The following LRRC58 variants were observed in gnomAD, a reference collection of about 807,000 sequenced individuals.
LRRC58 encodes leucine rich repeat containing 58.
LRRC58 carries 18 observed loss-of-function variants against 30.6 expected under a neutral mutation model. The observed-to-expected ratio is 0.59, with a 90% confidence interval of 0.41 to 0.87. LRRC58 has a LOEUF of 0.87. Ranked by LOEUF, LRRC58 falls within the 40% of genes least tolerant of loss-of-function variation. LRRC58 has a pLI of 0.00. For synonymous variants in LRRC58, 221 were observed against 206.0 expected (o/e 1.07, Z -0.62); for missense variants, 420 against 468.4 (o/e 0.90, Z 0.95).
At chr3:120,344,715 A>C (rs1935945811) in intron 1 of LRRC58, among the ~76,000 whole-genome samples, 1 of 152,244 alleles carries the variant, frequency 6.6e-6, no homozygotes, top group Non-Finnish European at 1.5e-5. Context: ...CCAAATATCT[A>C]GCATACTGGA....
At chr3:120,348,613 T>A (rs1394106187) in intron 1 of LRRC58, 131 bp downstream of exon 1, 2 of 1,062,760 alleles carry the variant, frequency 1.9e-6, no homozygotes, top group Non-Finnish European at 2.6e-6. Context: ...TGGGCAGAAC[T>A]CACTACCGCA....
In LRRC58 at chr3:120,349,294, G is replaced by C; in HGVS notation, c.-51C>G. 2 of 1,343,948 alleles carry C rather than the reference G, an allele frequency of 1.5e-6. No homozygotes were observed. Among genetic ancestry groups the C allele is most frequent in the South Asian group, 1.9e-5 (1 of 53,782 alleles). 83.3% of individuals were successfully genotyped at this position (1,343,948 alleles called of 1,614,324 possible). Reference sequence around the variant, plus strand: ...CCGGATTCCCCAGAGCGCCGCGCGCGGTCCAGAGGCCGGGAGCTCTGCGGC... The same window carrying C: ...CCGGATTCCCCAGAGCGCCGCGCGCCGTCCAGAGGCCGGGAGCTCTGCGGC... On this transcript the variant is annotated 5_prime_UTR_variant, in exon 1 of 4. Coordinates refer to ENST00000295628, the MANE Select transcript of LRRC58 (RefSeq NM_001099678.2).
In LRRC58 at chr3:120,326,895, C is replaced by A. The variant is rs892156988; in HGVS notation, c.*4305G>T. The A allele has an allele frequency of 6.6e-6, 1 of 152,124 alleles. No individual in the cohort carries two copies. Among genetic ancestry groups the A allele is most frequent in the Non-Finnish European group, 1.5e-5 (1 of 68,010 alleles). The allele number at this position is 152,124 out of a possible 1,614,324, so 9.4% of individuals were successfully genotyped here. A position where few individuals can be genotyped will look rare whatever the true frequency, so the allele number is the denominator to read the frequency against. ...GACCAAATTTTATTTGCACTATTTG[C>A]TGTGTGTTTTTTCTTTTTTACATAG... On this transcript the variant is annotated 3_prime_UTR_variant, in exon 4 of 4. Coordinates refer to ENST00000295628, the MANE Select transcript of LRRC58 (RefSeq NM_001099678.2).
Position 120,335,148 on chromosome 3 carries a change from A to T in LRRC58, c.630-9T>A. 1 of 1,605,054 alleles carries T rather than the reference A, an allele frequency of 6.2e-7. No homozygotes were observed. Among genetic ancestry groups the T allele is most frequent in the East Asian group, 2.2e-5 (1 of 44,750 alleles). Reference sequence around the variant, plus strand: ...AACGAAGTGAATGTAACCTAGAATAAATGTAGTAGAAAAATCAATGGCAGT... The same window carrying T: ...AACGAAGTGAATGTAACCTAGAATATATGTAGTAGAAAAATCAATGGCAGT... On this transcript the variant is annotated splice_polypyrimidine_tract_variant and intron_variant, in intron 2 of 3. Coordinates refer to ENST00000295628, the MANE Select transcript of LRRC58 (RefSeq NM_001099678.2).
intron 3 of LRRC58, among the ~76,000 whole-genome samples, 155 bp downstream of exon 3, chr3:120,334,707 G>T (rs532891579): frequency 3.5e-4 from 53 of 152,006 alleles, no homozygotes; most frequent in Non-Finnish European, 2.5e-4. Flanking sequence ...TTATGAAAAA[G>T]AATTTTTTAA....
In LRRC58 at chr3:120,346,528, C is replaced by T. The variant is rs181770418; in HGVS notation, c.500+2216G>A. ...GAGTATTAAAAAGCATAGTTAGCAC[C>T]TATGACAGGATCTACTGCATTGTAA... On this transcript the variant is annotated intron_variant, in intron 1 of 3. Coordinates refer to ENST00000295628, the MANE Select transcript of LRRC58 (RefSeq NM_001099678.2). Among the ~76,000 whole-genome samples, 281 of 152,274 alleles carry T rather than the reference C, an allele frequency of 1.8e-3. 1 individual carries two copies. Among genetic ancestry groups the T allele is most frequent in the African/African-American group, 5.9e-3 (244 of 41,554 alleles).
At chr3:120,345,192 G>A (rs1935953534) in intron 1 of LRRC58, among the ~76,000 whole-genome samples, 1 of 152,140 alleles carries the variant, frequency 6.6e-6, no homozygotes, top group African/African-American at 2.4e-5. Context: ...TAAATCTGGA[G>A]AGGTCAATGA....
rs145861688 is a variant in LRRC58, at chr3:120,328,411, T to C, written c.*2789A>G. 2.0e-5 allele frequency: 3 copies of C among 152,350 alleles called. No homozygotes were observed. Among genetic ancestry groups the C allele is most frequent in the African/African-American group, 7.2e-5 (3 of 41,578 alleles). The allele number at this position is 152,350 out of a possible 1,614,324, so 9.4% of individuals were successfully genotyped here. On this transcript the variant is annotated 3_prime_UTR_variant, in exon 4 of 4. Transcript: ENST00000295628. ...CAAATACTAGCACTGAAGAATGCCA[T>C]TCTAAATATATTAATGTTATGCTTA...
chr3:120,324,897 T>C lies in LRRC58; in HGVS notation c.*6303A>G, dbSNP rs955746719. On this transcript the variant is annotated 3_prime_UTR_variant, in exon 4 of 4. Transcript: ENST00000295628. ...CTTATTTATCTATAGATGTAGATATTCCTAATTTGCAAGATTTCAAATACA... is the reference window on the plus strand; with the variant it reads ...CTTATTTATCTATAGATGTAGATATCCCTAATTTGCAAGATTTCAAATACA... The C allele has an allele frequency of 5.9e-5, 9 of 152,222 alleles. No individual in the cohort carries two copies. The highest frequency in any genetic ancestry group is 1.5e-5 in the Non-Finnish European group (1 of 68,024). The allele number at this position is 152,222 out of a possible 1,614,324, so 9.4% of individuals were successfully genotyped here. A position where few individuals can be genotyped will look rare whatever the true frequency, so the allele number is the denominator to read the frequency against.
Position 120,335,552 on chromosome 3 carries a change from A to G in LRRC58, c.629+273T>C, listed in dbSNP as rs146149711. Among the ~76,000 whole-genome samples the G allele has an allele frequency of 9.8e-3, 1,491 of 152,336 alleles. 17 individuals are homozygous for G. Among genetic ancestry groups the G allele is most frequent in the South Asian group, 0.037 (180 of 4,830 alleles). ...TTTCATATCAAATATAAAATCACTAAAAGTCTCATAAAACCTAGGGAAATG... is the reference window on the plus strand; with the variant it reads ...TTTCATATCAAATATAAAATCACTAGAAGTCTCATAAAACCTAGGGAAATG... On this transcript the variant is annotated intron_variant, in intron 2 of 3. Transcript: ENST00000295628.
intron 1 of LRRC58, among the ~76,000 whole-genome samples, chr3:120,340,003 G>C (rs1935884714): frequency 6.6e-6 from 1 of 152,000 alleles, no homozygotes; most frequent in Non-Finnish European, 1.5e-5. Context: ...TGGGATTACA[G>C]GCGCCCGCCA....
chr3:120,330,016 ATAGTTAAAG>A lies in LRRC58; in HGVS notation c.*1175_*1183del, dbSNP rs1443699702. ...ATACTTTATTTTCAAAAATGCTTCC[ATAGTTAAAG>A]TAGTTCTGGAAACTGTTCCATTAGG... On this transcript the variant is annotated 3_prime_UTR_variant, in exon 4 of 4. Coordinates refer to ENST00000295628, the MANE Select transcript of LRRC58 (RefSeq NM_001099678.2). The A allele has an allele frequency of 6.6e-6, 1 of 152,024 alleles. No homozygotes were observed. The highest frequency in any genetic ancestry group is 1.5e-5 in the Non-Finnish European group (1 of 67,908). 9.4% of individuals were successfully genotyped at this position (152,024 alleles called of 1,614,324 possible).
intron 3 of LRRC58, among the ~76,000 whole-genome samples, chr3:120,332,399 T>C (rs1309358545): frequency 6.6e-6 from 1 of 152,252 alleles, no homozygotes; most frequent in Non-Finnish European, 1.5e-5. Flanking sequence ...AGTTTTTTTT[T>C]GATCTTGTAG....
chr3:120,334,660 T>C (rs973262818), intron 3 of LRRC58, among the ~76,000 whole-genome samples: 3 of 152,216 alleles, frequency 2.0e-5, no homozygotes, highest in Admixed American at 1.3e-4. Context: ...AGGATGAGAC[T>C]TCCTGGGTAT....
chr3:120,349,210 C>G lies in LRRC58; in HGVS notation c.34G>C (p.Gly12Arg). The G allele has an allele frequency of 4.9e-6, 7 of 1,436,410 alleles. No homozygotes were observed. Among genetic ancestry groups the G allele is most frequent in the South Asian group, 1.4e-5 (1 of 71,980 alleles). The allele number at this position is 1,436,410 out of a possible 1,614,324, so 89.0% of individuals were successfully genotyped here. A position where few individuals can be genotyped will look rare whatever the true frequency, so the allele number is the denominator to read the frequency against. The change falls in exon 1 of 4, where the codon GGG (glycine) becomes CGG (arginine). Residue 12 changes from glycine to arginine, a missense_variant. By Grantham distance (125) the Gly-to-Arg change is moderately radical. Coordinates refer to ENST00000295628, the MANE Select transcript of LRRC58 (RefSeq NM_001099678.2). ...CGGGACCAGTTCAGTTCGGCCTCCC[C>G]GGCCGTGACCACCGCTGCTCCGGCC... ...EEAGAAVVTA[G>R]EAELNWSRLS...
rs1436199176 is a variant in LRRC58 at position 120,325,878 on chromosome 3, A to G, written c.*5322T>C. On this transcript the variant is annotated 3_prime_UTR_variant, in exon 4 of 4. Transcript: ENST00000295628. Reference sequence around the variant, plus strand: ...ATTTCAGGGGACCCTGATTCTTATGACTTTGACATCCTGGGACAGAATGCA... The same window carrying G: ...ATTTCAGGGGACCCTGATTCTTATGGCTTTGACATCCTGGGACAGAATGCA... 1 of 152,116 alleles carries G rather than the reference A, an allele frequency of 6.6e-6. No individual in the cohort carries two copies. The highest frequency in any genetic ancestry group is 6.5e-5 in the Admixed American group (1 of 15,272). 9.4% of individuals were successfully genotyped at this position (152,116 alleles called of 1,614,324 possible). A position where few individuals can be genotyped will look rare whatever the true frequency, so the allele number is the denominator to read the frequency against.
chr3:120,347,379 C>CGTTTTTTTTTTTTTTTTTTT (rs1935982347), intron 1 of LRRC58, among the ~76,000 whole-genome samples: 1 of 54,828 alleles, frequency 1.8e-5, no homozygotes, highest in Non-Finnish European at 3.5e-5. Context: ...GGCCAATATT[C>CGTTTTTTTTTTTTTTTTTTT]TTTTTTTTTT....
Position 120,327,678 on chromosome 3 carries a change from C to T in LRRC58, c.*3522G>A, listed in dbSNP as rs1426713747. ...AAACATTATTGTGGACTGCTTTTTACTTTAATTTACACAAACACAAAAACT... is the reference window on the plus strand; with the variant it reads ...AAACATTATTGTGGACTGCTTTTTATTTTAATTTACACAAACACAAAAACT... On this transcript the variant is annotated 3_prime_UTR_variant, in exon 4 of 4. Transcript: ENST00000295628. The T allele has an allele frequency of 2.6e-5, 4 of 152,180 alleles. No individual in the cohort carries two copies. Among genetic ancestry groups the T allele is most frequent in the Admixed American group, 1.3e-4 (2 of 15,280 alleles). The allele number at this position is 152,180 out of a possible 1,614,324, so 9.4% of individuals were successfully genotyped here. A position where few individuals can be genotyped will look rare whatever the true frequency, so the allele number is the denominator to read the frequency against.
chr3:120,331,110 A>G lies in LRRC58; in HGVS notation c.*90T>C, dbSNP rs904330012. 12 of 1,091,792 alleles carry G rather than the reference A, an allele frequency of 1.1e-5. No individual in the cohort carries two copies. Among genetic ancestry groups the G allele is most frequent in the Middle Eastern group, 2.0e-4 (1 of 4,916 alleles). 67.6% of individuals were successfully genotyped at this position (1,091,792 alleles called of 1,614,324 possible). On this transcript the variant is annotated 3_prime_UTR_variant, in exon 4 of 4. Coordinates refer to ENST00000295628, the MANE Select transcript of LRRC58 (RefSeq NM_001099678.2). The stretch of plus-strand genomic sequence containing the variant: ...TCTTTGATGAACACTTAAGATGAAG[A>G]TAAGATTTCTAGTGAACTTCAAGCT...
Sources: allele counts gnomAD v4.1 joint callset (sites outside exome capture counted in the v4.1 genomes callset), GRCh38; gene constraint gnomAD v4.1.1; transcripts MANE v1.5; gene names NCBI Gene and HGNC (gene_info 2026-07-23, HGNC 2026-07-21).